The following RPTOR variants were observed in gnomAD, a reference collection of about 807,000 sequenced individuals.
RPTOR encodes the protein regulatory-associated protein of mTOR.
In RPTOR, 21 loss-of-function variants were observed where a neutral mutation model predicts 169.9. That is an observed-to-expected ratio of 0.12 (90% CI 0.09 to 0.18). The LOEUF (loss-of-function observed/expected upper bound fraction) is 0.18. Among genes scored for constraint, RPTOR ranks in the 10% least tolerant of loss-of-function variants. The probability of loss-of-function intolerance (pLI) is 1.00; values close to 1 mark genes in which losing one functional copy is unlikely to be tolerated. For synonymous variants in RPTOR, 732 were observed against 753.2 expected (o/e 0.97, Z 0.46); for missense variants, 1,133 against 1,855.9 (o/e 0.61, Z 7.16).
chr17:80,920,928 C>G (rs1025711226), intron 21 of RPTOR, among the ~76,000 whole-genome samples: 1 of 152,096 alleles, frequency 6.6e-6, no homozygotes, highest in Non-Finnish European at 1.5e-5. Context: ...TAGGGCTGGC[C>G]GAATAGTTTA....
chr17:80,745,605 G>T (rs569344777), intron 5 of RPTOR, among the ~76,000 whole-genome samples: 142 of 152,332 alleles, frequency 9.3e-4, no homozygotes, highest in African/African-American at 3.2e-3. Context: ...TATTAATAGA[G>T]TTGGATAAGT....
In RPTOR at chr17:80,562,998, G is replaced by A. The variant is rs979622646; in HGVS notation, c.162+17207G>A. 1.3e-5 allele frequency among the ~76,000 whole-genome samples: 2 copies of A among 152,116 alleles called. No homozygotes were observed. Among genetic ancestry groups the A allele is most frequent in the African/African-American group, 4.8e-5 (2 of 41,414 alleles). ...TTGGCACATGTGGCTTCATCGGGTG[G>A]GCTACCATCCTGCATCAATAGTGGG... On this transcript the variant is annotated intron_variant, in intron 1 of 33. Transcript: ENST00000306801. The surrounding 1 kb of genome is among the most constrained non-coding windows in gnomAD (Gnocchi z 4.4).
rs2066574126 is a variant in RPTOR, at chr17:80,746,286, CGGTGCTTTCTGCGGGTG to C, written c.655-7723_655-7707del. 3.0e-5 allele frequency among the ~76,000 whole-genome samples: 4 copies of C among 133,480 alleles called. No homozygotes were observed. Among genetic ancestry groups the C allele is most frequent in the African/African-American group, 1.0e-4 (4 of 38,604 alleles). 87.6% of individuals were successfully genotyped at this position (133,480 alleles called of 152,430 possible). A position where few individuals can be genotyped will look rare whatever the true frequency, so the allele number is the denominator to read the frequency against. On this transcript the variant is annotated intron_variant, in intron 5 of 33. Coordinates refer to ENST00000306801, the MANE Select transcript of RPTOR (RefSeq NM_020761.3). This position sits in a 1 kb window ranked among gnomAD's most constrained non-coding sequence, Gnocchi z 4.5. ...CGGGTGATCCCCACCGCCCCCACAG[CGGTGCTTTCTGCGGGTG>C]ATCCCCACCGCCCCCACAGCGGTGC...
chr17:80,647,768 C>G (rs1327497382), intron 3 of RPTOR, among the ~76,000 whole-genome samples: 1 of 152,134 alleles, frequency 6.6e-6, no homozygotes, highest in Non-Finnish European at 1.5e-5. Context: ...TGTAGGAGCT[C>G]ATTCTCATCT....
intron 3 of RPTOR, among the ~76,000 whole-genome samples, chr17:80,699,719 G>A (rs1418888160): frequency 6.2e-4 from 64 of 103,050 alleles, no homozygotes; most frequent in African/African-American, 1.3e-3. Flanking sequence ...TGTGCACGGT[G>A]CCCTGGTGCA....
Position 80,694,089 on chromosome 17 carries a change from C to T in RPTOR, c.349-13752C>T, listed in dbSNP as rs139327720. Among the ~76,000 whole-genome samples the T allele has an allele frequency of 2.3e-3, 356 of 152,344 alleles. 2 individuals are homozygous for T. Among genetic ancestry groups the T allele is most frequent in the African/African-American group, 8.1e-3 (336 of 41,580 alleles). ...GTCAAGAATGCGAGCTGAAGATTTG[C>T]GTTTACAGCTGTAGAGCAAATACAG... On this transcript the variant is annotated intron_variant, in intron 3 of 33. Transcript: ENST00000306801.
At chr17:80,696,693 G>T (rs1315257675) in intron 3 of RPTOR, among the ~76,000 whole-genome samples, 1 of 152,236 alleles carries the variant, frequency 6.6e-6, no homozygotes, top group Non-Finnish European at 1.5e-5. Context: ...TGGACTTGCA[G>T]CAGGGATGCC....
At chr17:80,729,463 G>A (rs1161769029) in intron 4 of RPTOR, among the ~76,000 whole-genome samples, 6 of 152,338 alleles carry the variant, frequency 3.9e-5, no homozygotes, top group Admixed American at 2.6e-4. Flanking sequence ...AGTGAGATGA[G>A]AACATTCTCC....
chr17:80,598,903 T>TCTATCTAG (rs1178495100), intron 1 of RPTOR, among the ~76,000 whole-genome samples: 2 of 151,830 alleles, frequency 1.3e-5, no homozygotes, highest in African/African-American at 4.8e-5. Context: ...TATCTATCTA[T>TCTATCTAG]CTATCTATCT....
At chr17:80,883,756 C>T in intron 15 of RPTOR, 25 bp from the exon 16 acceptor site, 2 of 1,611,678 alleles carry the variant, frequency 1.2e-6, no homozygotes, top group African/African-American at 1.3e-5. Flanking sequence ...CAGAGGCCAA[C>T]CTGTCTGTGG....
chr17:80,894,367 G>T (rs1399698833), intron 20 of RPTOR, among the ~76,000 whole-genome samples: 9 of 152,224 alleles, frequency 5.9e-5, no homozygotes. Context: ...GGGCCCTGCG[G>T]TCGGGCTGGG....
intron 1 of RPTOR, among the ~76,000 whole-genome samples, chr17:80,619,694 A>C (rs2065340700): frequency 6.6e-6 from 1 of 152,064 alleles, no homozygotes; most frequent in African/African-American, 2.4e-5. Flanking sequence ...TTCCATGGAG[A>C]GTGGAAATGT....
chr17:80,807,372 G>A (rs938008323), intron 7 of RPTOR, among the ~76,000 whole-genome samples: 11 of 151,754 alleles, frequency 7.2e-5, no homozygotes, highest in African/African-American at 1.2e-4. Flanking sequence ...CGGGGGGAAC[G>A]GAGTCTCACT....
intron 7 of RPTOR, among the ~76,000 whole-genome samples, chr17:80,808,132 CA>C (rs35162861): frequency 2.4e-4 from 36 of 147,412 alleles, no homozygotes; most frequent in Admixed American, 9.4e-4. Flanking sequence ...CTATCTCTAC[CA>C]AAAAAAAAAA....
intron 3 of RPTOR, among the ~76,000 whole-genome samples, chr17:80,677,436 A>G (rs1272658389): frequency 3.9e-5 from 6 of 152,184 alleles, no homozygotes; most frequent in African/African-American, 1.2e-4. Context: ...CGTTGGCCCC[A>G]GTACAAAGTC....
chr17:80,599,189 C>T (rs2065167944), intron 1 of RPTOR, among the ~76,000 whole-genome samples: 2 of 152,150 alleles, frequency 1.3e-5, no homozygotes, highest in African/African-American at 4.8e-5. Flanking sequence ...AAAGGCTCTC[C>T]CCTGGATCTG....
At position 80,823,462 on chromosome 17, in the gene RPTOR, G is replaced by T. The variant is rs912175236; in HGVS notation, c.1136+239G>T. ...TTAGGACTGCACGGGAGCAGCGGCC[G>T]GCTGAAGCCTCACAGCTCTGCAACT... On this transcript the variant is annotated intron_variant, in intron 9 of 33. Coordinates refer to ENST00000306801, the MANE Select transcript of RPTOR (RefSeq NM_020761.3). The surrounding 1 kb of genome is among the most constrained non-coding windows in gnomAD (Gnocchi z 4.5). The T allele has an allele frequency of 2.3e-6, 1 of 436,456 alleles. No homozygotes were observed. The highest frequency in any genetic ancestry group is 2.0e-5 in the African/African-American group (1 of 50,814). The allele number at this position is 436,456 out of a possible 1,614,324, so 27.0% of individuals were successfully genotyped here. A position where few individuals can be genotyped will look rare whatever the true frequency, so the allele number is the denominator to read the frequency against.
intron 3 of RPTOR, among the ~76,000 whole-genome samples, chr17:80,662,634 GT>G (rs1261699200): frequency 6.6e-6 from 1 of 152,120 alleles, no homozygotes; most frequent in African/African-American, 2.4e-5. Context: ...GTAATGTGTT[GT>G]TTTCTACAGG....
At position 80,587,278 on chromosome 17, in the gene RPTOR, G is replaced by A. The variant is rs1017656853; in HGVS notation, c.163-38413G>A. On this transcript the variant is annotated intron_variant, in intron 1 of 33. Transcript: ENST00000306801. ...ATACAGCTTTGCCTGGTGTGGAAACGTATATAAACATTATCATAGTATCTG... is the reference window on the plus strand; with the variant it reads ...ATACAGCTTTGCCTGGTGTGGAAACATATATAAACATTATCATAGTATCTG... Among the ~76,000 whole-genome samples the A allele has an allele frequency of 7.2e-5, 11 of 152,348 alleles. 1 individual carries two copies. Among genetic ancestry groups the A allele is most frequent in the South Asian group, 4.1e-4 (2 of 4,828 alleles).
Sources: allele counts gnomAD v4.1 joint callset (sites outside exome capture counted in the v4.1 genomes callset), GRCh38; gene constraint gnomAD v4.1.1; non-coding constraint Gnocchi (gnomAD v3.1); transcripts MANE v1.5; gene names NCBI Gene and HGNC (gene_info 2026-07-23, HGNC 2026-07-21).